Variants in NEK5 observed in about 807,000 individuals in gnomAD.
NEK5 encodes the protein serine/threonine-protein kinase Nek5.
In NEK5, 88 loss-of-function variants were observed where a neutral mutation model predicts 109.2. The ratio of observed to expected loss-of-function variants is 0.81; its 90% CI spans 0.68 to 0.96. The LOEUF (loss-of-function observed/expected upper bound fraction) is 0.96. Among genes scored for constraint, NEK5 ranks in the 40% least tolerant of loss-of-function variants. The pLI is 0.00. For missense variants in NEK5, 834 were observed against 920.7 expected (o/e 0.91, Z 1.22); for synonymous variants, 283 against 299.9 (o/e 0.94, Z 0.58).
In NEK5 at chr13:52,079,286, ATCCCTCTCCCTC is replaced by A. The variant is rs11275738; in HGVS notation, c.1573-3155_1573-3144del. On this transcript the variant is annotated intron_variant, in intron 17 of 23. Coordinates refer to ENST00000684899, the MANE Select transcript of NEK5 (RefSeq NM_001365552.1). Reference sequence around the variant, plus strand: ...AAGTAGGGCTTTAAAAAGTAATCTGATCCCTCTCCCTCTCCCTCTCCCTCTCCCTCTCCCCTC... The same window carrying A: ...AAGTAGGGCTTTAAAAAGTAATCTGATCCCTCTCCCTCTCCCTCTCCCCTC... Among the ~76,000 whole-genome samples, 234 of 127,960 alleles carry A rather than the reference ATCCCTCTCCCTC, an allele frequency of 1.8e-3. 2 individuals carry two copies. The highest frequency in any genetic ancestry group is 6.8e-3 in the African/African-American group (198 of 29,148). 83.9% of individuals were successfully genotyped at this position (127,960 alleles called of 152,430 possible).
rs560635516 is a variant in NEK5, at chr13:52,049,653, AC to A, written c.2228+450del. Among the ~76,000 whole-genome samples, 179 of 151,398 alleles carry A rather than the reference AC, an allele frequency of 1.2e-3. 1 individual carries two copies. The highest frequency in any genetic ancestry group is 4.2e-3 in the African/African-American group (173 of 41,308). ...CACATAAAATACACTAACACTAACAACAGCTGATGAACTAAAAAAAAAAAAA... is the reference window on the plus strand; with the variant it reads ...CACATAAAATACACTAACACTAACAAAGCTGATGAACTAAAAAAAAAAAAA... On this transcript the variant is annotated intron_variant, in intron 23 of 23. Transcript: ENST00000684899.
intron 21 of NEK5, chr13:52,064,643 G>A (rs948854565): frequency 1.5e-4 from 34 of 229,238 alleles, no homozygotes; most frequent in Non-Finnish European, 2.7e-4. Flanking sequence ...CATTGAGAAC[G>A]GGCCGGGATG....
At position 52,110,372 on chromosome 13, in the gene NEK5, A is replaced by C. The variant is rs1388556676; in HGVS notation, c.435T>G (p.Leu145=). The change falls in exon 7 of 24, where the codon CTT becomes CTG. Residue 145 remains leucine, a synonymous_variant. Coordinates refer to ENST00000684899, the MANE Select transcript of NEK5 (RefSeq NM_001365552.1). The part of the protein sequence containing the change: ...FLSKNGMVAK[L]GDFGIARVLN... ...GGACTCTTGCTATACCAAAGTCCCC[A>C]AGCTTTGCCACCATTCCGTTCTTGC... 2 of 1,613,440 alleles carry C rather than the reference A, an allele frequency of 1.2e-6. No homozygotes were observed. Among genetic ancestry groups the C allele is most frequent in the Non-Finnish European group, 1.7e-6 (2 of 1,179,412 alleles).
At chr13:52,065,758 T>A in intron 20 of NEK5, 149 bp from the exon 21 acceptor site, 1 of 612,028 alleles carries the variant, frequency 1.6e-6, no homozygotes, top group Admixed American at 2.8e-5. Context: ...GATATAAGAC[T>A]GAAATGACAA....
chr13:52,110,514 G>GTAA lies in NEK5; in HGVS notation c.373_375dup (p.Leu125dup). The GTAA allele has an allele frequency of 6.2e-7, 1 of 1,612,102 alleles. No individual in the cohort carries two copies. The stretch of plus-strand genomic sequence containing the variant: ...GTTACCTGAGCTTTTATGTCCCTGT[G>GTAA]TAATATCTTCCTGTCATGAATATGT... On this transcript the variant is annotated inframe_insertion, in exon 6 of 24. Transcript: ENST00000684899.
intron 21 of NEK5, among the ~76,000 whole-genome samples, chr13:52,064,112 G>A (rs1462232790): frequency 7.2e-5 from 10 of 139,592 alleles, no homozygotes; most frequent in East Asian, 4.5e-4. Context: ...GCCTCTGCCC[G>A]GCCGCCCCTA....
chr13:52,073,208 A>G (rs763590092), intron 19 of NEK5, among the ~76,000 whole-genome samples: 6 of 152,228 alleles, frequency 3.9e-5, no homozygotes, highest in Non-Finnish European at 5.9e-5. Context: ...TTATTTAAAG[A>G]AAAGTAAATT....
intron 4 of NEK5, among the ~76,000 whole-genome samples, chr13:52,114,546 T>C (rs1365431289): frequency 6.6e-6 from 1 of 152,202 alleles, no homozygotes; most frequent in Non-Finnish European, 1.5e-5. Flanking sequence ...ATTGAGGACA[T>C]GCAAAAGCAA....
chr13:52,101,234 TA>T (rs1277459114), intron 11 of NEK5, among the ~76,000 whole-genome samples: 1 of 151,866 alleles, frequency 6.6e-6, no homozygotes, highest in Admixed American at 6.6e-5. Context: ...TCGTCTCTAC[TA>T]AAAAAATACA....
At chr13:52,105,506 G>A (rs1306401530) in intron 8 of NEK5, among the ~76,000 whole-genome samples, 2 of 150,148 alleles carry the variant, frequency 1.3e-5, no homozygotes, top group African/African-American at 2.4e-5. Flanking sequence ...GGTGTGAGCC[G>A]CCTGCACCTG....
At chr13:52,105,653 G>T (rs1212909691) in intron 8 of NEK5, among the ~76,000 whole-genome samples, 2 of 152,076 alleles carry the variant, frequency 1.3e-5, no homozygotes, top group African/African-American at 4.8e-5. Flanking sequence ...TCTGCAGCCA[G>T]GGCAGAGAAT....
chr13:52,098,126 C>T (rs1170100875), intron 12 of NEK5, among the ~76,000 whole-genome samples: 1 of 152,090 alleles, frequency 6.6e-6, no homozygotes, highest in Non-Finnish European at 1.5e-5. Context: ...GCCAATTAAA[C>T]CTCTTGTCTT....
intron 20 of NEK5, among the ~76,000 whole-genome samples, chr13:52,066,252 C>G (rs992420799): frequency 6.6e-6 from 1 of 152,092 alleles, no homozygotes; most frequent in Non-Finnish European, 1.5e-5. Flanking sequence ...TATAACTAAT[C>G]ATTTCCTGCC....
At chr13:52,097,187 G>C (rs1203323012) in intron 12 of NEK5, among the ~76,000 whole-genome samples, 1 of 152,210 alleles carries the variant, frequency 6.6e-6, no homozygotes, top group Non-Finnish European at 1.5e-5. Flanking sequence ...TGTTTCAGGG[G>C]GACCCTCTAC....
chr13:52,062,939 G>A (rs1034549153), intron 21 of NEK5, among the ~76,000 whole-genome samples: 3 of 151,864 alleles, frequency 2.0e-5, no homozygotes, highest in African/African-American at 4.8e-5. Context: ...AAAATGACCC[G>A]ACAACAATGA....
In NEK5 at chr13:52,075,193, T is replaced by A. The variant is rs139048345; in HGVS notation, c.1722+565A>T. On this transcript the variant is annotated intron_variant, in intron 19 of 23. Transcript: ENST00000684899. The stretch of plus-strand genomic sequence containing the variant: ...ACTCACATGTTCATCCCAGCACTAT[T>A]CACAATAGCAAAGTCATGGAATCAA... Among the ~76,000 whole-genome samples the A allele has an allele frequency of 5.2e-3, 792 of 152,290 alleles. 7 individuals are homozygous for A. The highest frequency in any genetic ancestry group is 0.018 in the African/African-American group (738 of 41,568).
intron 16 of NEK5, among the ~76,000 whole-genome samples, chr13:52,084,762 AGTGTGT>A (rs368429926): frequency 0.018 from 839 of 47,162 alleles, 3 homozygotes; most frequent in African/African-American, 0.034. Context: ...AGAGAGAGAG[AGTGTGT>A]GTGTGTGTGT....
At chr13:52,110,964 C>T (rs1379650698) in intron 5 of NEK5, among the ~76,000 whole-genome samples, 3 of 151,990 alleles carry the variant, frequency 2.0e-5, no homozygotes, top group Admixed American at 2.0e-4. Flanking sequence ...AACCTGGAAG[C>T]CATTGGTTCT....
chr13:52,120,760 A>G (rs1012855383), intron 3 of NEK5, among the ~76,000 whole-genome samples: 1 of 152,034 alleles, frequency 6.6e-6, no homozygotes, highest in African/African-American at 2.4e-5. Flanking sequence ...AAAACACAAA[A>G]AATTAGCCAG....
Sources: allele counts gnomAD v4.1 joint callset (sites outside exome capture counted in the v4.1 genomes callset), GRCh38; gene constraint gnomAD v4.1.1; transcripts MANE v1.5; gene names NCBI Gene and HGNC (gene_info 2026-07-23, HGNC 2026-07-21).